The following LYZL6 variants were observed in gnomAD, a reference collection of about 807,000 sequenced individuals.
LYZL6 encodes lysozyme-like protein 6.
LYZL6 carries 21 observed loss-of-function variants against 15.0 expected under a neutral mutation model. That is an observed-to-expected ratio of 1.40 (90% confidence interval 1.00 to 2.02). The LOEUF is 2.02. Ranked by LOEUF, LYZL6 falls within the 30% of genes most tolerant of loss-of-function variation. LYZL6 has a pLI of 0.00. For missense variants in LYZL6, 173 were observed against 180.5 expected (o/e 0.96, Z 0.24); for synonymous variants, 72 against 67.8 (o/e 1.06, Z -0.31).
intron 1 of LYZL6, among the ~76,000 whole-genome samples, chr17:35,939,847 AGTATTTGGGTATTGGGATGGGG>A (rs1218209348): frequency 1.3e-5 from 2 of 152,092 alleles, no homozygotes; most frequent in Non-Finnish European, 2.9e-5. Flanking sequence ...AGCTATGGGT[AGTATTTGGGTATTGGGATGGGG>A]AGTGAGGTTG....
At chr17:35,943,077 C>T (rs1160023983) in intron 1 of LYZL6, among the ~76,000 whole-genome samples, 1 of 152,138 alleles carries the variant, frequency 6.6e-6, no homozygotes, top group African/African-American at 2.4e-5. Context: ...AAAACCCTGA[C>T]GTTTTTACTA....
At chr17:35,936,539 C>A in intron 4 of LYZL6, 1 of 472,128 alleles carries the variant, frequency 2.1e-6, no homozygotes, top group Non-Finnish European at 3.8e-6. Flanking sequence ...TTTCCCCCAG[C>A]TAGCTCAAGT....
chr17:35,941,991 G>A (rs184963707), intron 1 of LYZL6, among the ~76,000 whole-genome samples: 42 of 152,272 alleles, frequency 2.8e-4, no homozygotes, highest in African/African-American at 9.9e-4. Flanking sequence ...CTCCAAAGAC[G>A]GACAGAGGGA....
chr17:35,941,865 T>C (rs2089426973), intron 1 of LYZL6, among the ~76,000 whole-genome samples: 1 of 152,170 alleles, frequency 6.6e-6, no homozygotes, highest in African/African-American at 2.4e-5. Context: ...ACTGGATATA[T>C]CATGATCTTA....
At chr17:35,943,193 C>T (rs548478656) in intron 1 of LYZL6, among the ~76,000 whole-genome samples, 9 of 152,248 alleles carry the variant, frequency 5.9e-5, no homozygotes, top group South Asian at 4.1e-4. Flanking sequence ...TGTGTGTCTG[C>T]GACCTCGATC....
At chr17:35,938,369 C>T (rs899431942) in intron 2 of LYZL6, among the ~76,000 whole-genome samples, 1 of 152,066 alleles carries the variant, frequency 6.6e-6, no homozygotes, top group South Asian at 2.1e-4. Context: ...CCTGTAATCC[C>T]AGCACTTTGG....
rs184677426 is a variant in LYZL6, at chr17:35,936,829, C to T, written c.303G>A (p.Leu101=). 546 of 1,613,456 alleles carry T rather than the reference C, an allele frequency of 3.4e-4. 1 individual carries two copies. The highest frequency in any genetic ancestry group is 2.8e-3 in the Admixed American group (166 of 60,008). Residue 101 remains leucine, a synonymous_variant, in exon 4 of 5, where the codon CTG becomes CTA. Transcript: ENST00000615905. The part of the protein sequence containing the change: ...ENLCHVDCQD[L]LNPNLLAGIH... ...TGCCTGCAAGAAGGTTGGGATTCAG[C>T]AGATCTGAAAGGGAGGAAGAGAAAA...
At chr17:35,939,965 T>C (rs544853261) in intron 1 of LYZL6, among the ~76,000 whole-genome samples, 24 of 152,300 alleles carry the variant, frequency 1.6e-4, no homozygotes, top group African/African-American at 5.8e-4. Context: ...GCCAGGACAC[T>C]GGGTGCTAAT....
rs374373306 is a variant in LYZL6 at position 35,939,346 on chromosome 17, G to T, written c.11C>A (p.Ala4Glu). 2 of 1,614,054 alleles carry T rather than the reference G, an allele frequency of 1.2e-6. No homozygotes were observed. Among genetic ancestry groups the T allele is most frequent in the Non-Finnish European group, 1.7e-6 (2 of 1,179,970 alleles). MTK[A>E]LLIYLVSSFL... ...GCTGCTGACCAAATAGATGAGTAGC[G>T]CCTTTGTCATCCTTGGAGGGGAGGA... is the stretch of plus-strand genomic sequence containing the variant. Residue 4 changes from alanine (A) to glutamate (E), a missense_variant, in exon 2 of 5, where the codon GCG becomes GAG. Transcript: ENST00000615905.
At position 35,934,790 on chromosome 17, in the gene LYZL6, CCT is replaced by C. The variant is rs752708655; in HGVS notation, c.*4_*5del. 1.1e-5 allele frequency: 17 copies of C among 1,613,946 alleles called. No homozygotes were observed. The highest frequency in any genetic ancestry group is 6.7e-5 in the East Asian group (3 of 44,890). On this transcript the variant is annotated 3_prime_UTR_variant, in exon 5 of 5. Coordinates refer to ENST00000615905, the MANE Select transcript of LYZL6 (RefSeq NM_020426.4). ...GAATGACTCCACGGTGCACCCGCAC[CCT>C]GTTTCATCTCAGGCGGCATCCTGTC...
chr17:35,939,741 T>C (rs1439351194), intron 1 of LYZL6, among the ~76,000 whole-genome samples, 183 bp from the exon 2 acceptor site: 1 of 152,062 alleles, frequency 6.6e-6, no homozygotes, highest in Non-Finnish European at 1.5e-5. Flanking sequence ...CAAGTGATCC[T>C]CCCATCTCAG....
chr17:35,939,714 T>C (rs1274848686), intron 1 of LYZL6, among the ~76,000 whole-genome samples, 156 bp from the exon 2 acceptor site: 1 of 152,104 alleles, frequency 6.6e-6, no homozygotes, highest in Admixed American at 6.6e-5. Context: ...ACCAGGCTGG[T>C]CTTGAACTCC....
At chr17:35,936,311 A>G (rs1005844576) in intron 4 of LYZL6, among the ~76,000 whole-genome samples, 16 of 152,238 alleles carry the variant, frequency 1.1e-4, no homozygotes, top group African/African-American at 3.9e-4. Flanking sequence ...ATGGTTGCTT[A>G]GGACTTTAGC....
Position 35,937,739 on chromosome 17 carries a change from C to T in LYZL6, c.298+19G>A. 2 of 1,610,938 alleles carry T rather than the reference C, an allele frequency of 1.2e-6. No individual in the cohort carries two copies. Among genetic ancestry groups the T allele is most frequent in the Non-Finnish European group, 1.7e-6 (2 of 1,177,830 alleles). ...TGGTTGCTGCTCTCATCTCTCCCAC[C>T]CTGGGGCCCTGGCCAGACCTTGACA... is the stretch of plus-strand genomic sequence containing the variant. On this transcript the variant is annotated intron_variant, in intron 3 of 4. Coordinates refer to ENST00000615905, the MANE Select transcript of LYZL6 (RefSeq NM_020426.4).
chr17:35,936,072 C>T (rs1987043016), intron 4 of LYZL6, among the ~76,000 whole-genome samples: 1 of 152,224 alleles, frequency 6.6e-6, no homozygotes, highest in Admixed American at 6.5e-5. Context: ...GCCTCAGCCT[C>T]CCAAGGTGCT....
Position 35,934,578 on chromosome 17 carries a change from A to C in LYZL6, c.*218T>G. The C allele has an allele frequency of 1.8e-6, 1 of 549,716 alleles. No individual in the cohort carries two copies. Among genetic ancestry groups the C allele is most frequent in the Non-Finnish European group, 3.2e-6 (1 of 310,110 alleles). 34.1% of individuals were successfully genotyped at this position (549,716 alleles called of 1,614,324 possible). ...TAAAGATTTCTTTATTGTGGTCCTC[A>C]GTTTACAAATAACAGACAGGAACCA... On this transcript the variant is annotated 3_prime_UTR_variant, in exon 5 of 5. Transcript: ENST00000615905.
chr17:35,941,490 A>T (rs369854219), intron 1 of LYZL6, among the ~76,000 whole-genome samples: 1 of 151,930 alleles, frequency 6.6e-6, no homozygotes. Context: ...TTTAATTTTG[A>T]TGATGTGCAA....
At chr17:35,937,991 A>T in intron 2 of LYZL6, 75 bp from the exon 3 acceptor site, 1 of 1,474,078 alleles carries the variant, frequency 6.8e-7, no homozygotes, top group Admixed American at 1.8e-5. Context: ...GGAGAAAGGG[A>T]GGCAAGGTTT....
chr17:35,937,291 G>A (rs1434633883), intron 3 of LYZL6, among the ~76,000 whole-genome samples: 1 of 152,166 alleles, frequency 6.6e-6, no homozygotes, highest in African/African-American at 2.4e-5. Flanking sequence ...GTTTGCACTT[G>A]GTCTTTGGTC....
Sources: allele counts gnomAD v4.1 joint callset (sites outside exome capture counted in the v4.1 genomes callset), GRCh38; gene constraint gnomAD v4.1.1; transcripts MANE v1.5; gene names NCBI Gene and HGNC (gene_info 2026-07-23, HGNC 2026-07-21).